Variants in TBC1D5 observed in about 807,000 individuals in gnomAD.
TBC1D5 encodes TBC1 domain family, member 5.
Under a neutral mutation model 100.3 loss-of-function variants are expected in TBC1D5, and 75 were observed. The ratio of observed to expected loss-of-function variants is 0.75; its 90% CI spans 0.62 to 0.91. The LOEUF (loss-of-function observed/expected upper bound fraction) is 0.91, where lower values mean the gene tolerates loss of function less well. Among genes scored for constraint, TBC1D5 ranks in the 40% least tolerant of loss-of-function variants. The probability of loss-of-function intolerance (pLI) is 0.00; values close to 1 mark genes in which losing one functional copy is unlikely to be tolerated. For synonymous variants in TBC1D5, 323 were observed against 325.6 expected (o/e 0.99, Z 0.09); for missense variants, 910 against 942.4 (o/e 0.97, Z 0.45).
At chr3:17,318,794 T>A (rs1027271271) in intron 13 of TBC1D5, among the ~76,000 whole-genome samples, 1 of 152,200 alleles carries the variant, frequency 6.6e-6, no homozygotes, top group Non-Finnish European at 1.5e-5. Flanking sequence ...ATGCATAGTA[T>A]CTACTATTGC....
chr3:17,342,684 C>A (rs369488214), intron 13 of TBC1D5, among the ~76,000 whole-genome samples: 4 of 152,096 alleles, frequency 2.6e-5, no homozygotes, highest in Non-Finnish European at 5.9e-5. Context: ...AAAAAAGATA[C>A]CCCTAATCTC....
chr3:17,216,789 C>T (rs1268227640), intron 17 of TBC1D5, among the ~76,000 whole-genome samples: 2 of 152,216 alleles, frequency 1.3e-5, no homozygotes, highest in Middle Eastern at 3.4e-3. Context: ...CAGGAACCAC[C>T]TATTATTTTC....
chr3:17,377,748 G>C (rs955109385), intron 9 of TBC1D5, among the ~76,000 whole-genome samples: 1 of 151,898 alleles, frequency 6.6e-6, no homozygotes, highest in Non-Finnish European at 1.5e-5. Flanking sequence ...TAATATGCAA[G>C]TTAACTTTTT....
At chr3:17,171,827 G>GA (rs1319527363) in intron 19 of TBC1D5, among the ~76,000 whole-genome samples, 7 of 152,128 alleles carry the variant, frequency 4.6e-5, no homozygotes, top group Non-Finnish European at 1.0e-4. Flanking sequence ...TGTTATACAG[G>GA]ATGAAAAGCA....
intron 16 of TBC1D5, among the ~76,000 whole-genome samples, chr3:17,255,844 T>C (rs796233892): frequency 8.5e-5 from 13 of 152,082 alleles, no homozygotes; most frequent in South Asian, 2.1e-4. Context: ...TGAGACCATC[T>C]TGGCTAACAC....
chr3:17,275,810 C>T (rs528460932), intron 15 of TBC1D5, among the ~76,000 whole-genome samples: 2 of 152,098 alleles, frequency 1.3e-5, no homozygotes, highest in African/African-American at 4.8e-5. Context: ...TTTCCAGGAC[C>T]CCAGTAAGAC....
chr3:17,460,762 T>TAA (rs574970085), intron 3 of TBC1D5, among the ~76,000 whole-genome samples: 1,615 of 145,144 alleles, frequency 0.011, 26 homozygotes, highest in African/African-American at 0.038. Context: ...TTATGACGGT[T>TAA]AAAAAAAAAA....
At chr3:17,740,473 A>G (rs568570502) in exon 1 of TBC1D5, 64 of 152,344 alleles carry the variant, frequency 4.2e-4, no homozygotes, top group African/African-American at 1.4e-3. Flanking sequence ...AACTTCCACA[A>G]AGTTATTTAG....
chr3:17,438,512 G>A (rs372912858), intron 3 of TBC1D5, among the ~76,000 whole-genome samples: 62 of 152,018 alleles, frequency 4.1e-4, no homozygotes, highest in South Asian at 1.7e-3. Context: ...TTCCCCCTTC[G>A]CTGGGCACTC....
intron 2 of TBC1D5, among the ~76,000 whole-genome samples, chr3:17,548,011 G>A (rs903043910): frequency 5.3e-5 from 8 of 152,102 alleles, no homozygotes; most frequent in African/African-American, 1.7e-4. Flanking sequence ...TCTAATCAAA[G>A]TTGTTAAAAT....
intron 3 of TBC1D5, among the ~76,000 whole-genome samples, chr3:17,505,041 T>C (rs1158978698): frequency 2.0e-5 from 3 of 152,248 alleles, no homozygotes; most frequent in Non-Finnish European, 4.4e-5. Context: ...GGCAGGATTC[T>C]GAACATCTTG....
chr3:17,563,907 C>T lies in TBC1D5; in HGVS notation c.-35-55302G>A, dbSNP rs538810282. ...ACGCCATTCTCCTGCCTCAGCCTCC[C>T]GAGTAGCTGGGACTACAAGCGCCCG... On this transcript the variant is annotated intron_variant, in intron 2 of 21. Transcript: ENST00000253692. 4.6e-5 allele frequency among the ~76,000 whole-genome samples: 7 copies of T among 152,282 alleles called. No individual in the cohort carries two copies. In the South Asian group the frequency reaches 8.3e-4, roughly 18 times the overall value.
At chr3:17,279,047 T>C (rs1258751253) in intron 15 of TBC1D5, among the ~76,000 whole-genome samples, 5 of 152,250 alleles carry the variant, frequency 3.3e-5, no homozygotes, top group Non-Finnish European at 7.3e-5. Context: ...TTACTTTCAT[T>C]ATTAAAATGT....
At chr3:17,238,037 A>G in intron 17 of TBC1D5, 126 bp downstream of exon 17, 4 of 1,355,848 alleles carry the variant, frequency 3.0e-6, no homozygotes, top group Non-Finnish European at 3.9e-6. Context: ...AACTTTATAT[A>G]ACATATTTAA....
At chr3:17,159,684 A>G (rs1265977873) in exon 22 of TBC1D5, 2 of 152,312 alleles carry the variant, frequency 1.3e-5, no homozygotes, top group Non-Finnish European at 2.9e-5. Flanking sequence ...GCTGACTGAC[A>G]AGGGGGAGAG....
chr3:17,332,221 C>T (rs1047967468), intron 13 of TBC1D5, among the ~76,000 whole-genome samples: 3 of 151,966 alleles, frequency 2.0e-5, no homozygotes, highest in African/African-American at 4.8e-5. Flanking sequence ...TTTGAAGATA[C>T]GGCCAATGTG....
intron 13 of TBC1D5, among the ~76,000 whole-genome samples, chr3:17,334,121 G>A (rs922520536): frequency 1.3e-5 from 2 of 152,038 alleles, no homozygotes; most frequent in African/African-American, 2.4e-5. Context: ...AGAGTAGCAT[G>A]CTTAAAATGA....
At chr3:17,682,676 A>G (rs1009044419) in intron 1 of TBC1D5, among the ~76,000 whole-genome samples, 1 of 151,588 alleles carries the variant, frequency 6.6e-6, no homozygotes, top group African/African-American at 2.4e-5. Context: ...GTCGTTACAT[A>G]TTACAGTATA....
chr3:17,514,781 C>T (rs1326756345), intron 2 of TBC1D5, among the ~76,000 whole-genome samples: 2 of 152,162 alleles, frequency 1.3e-5, no homozygotes, highest in African/African-American at 2.4e-5. Flanking sequence ...AAACAGAAAG[C>T]TCTCCACAGT....
Sources: allele counts gnomAD v4.1 joint callset (sites outside exome capture counted in the v4.1 genomes callset), GRCh38; gene constraint gnomAD v4.1.1; transcripts MANE v1.5; gene names NCBI Gene and HGNC (gene_info 2026-07-23, HGNC 2026-07-21).